Variants in CRB1 observed in about 807,000 individuals in gnomAD.
CRB1 encodes the protein crumbs cell polarity complex component 1, also known as protein crumbs homolog 1.
CRB1 carries 83 observed loss-of-function variants against 120.0 expected under a neutral mutation model. That is an observed-to-expected ratio of 0.69 (90% CI 0.58 to 0.83). The LOEUF (loss-of-function observed/expected upper bound fraction) is 0.83. Among genes scored for constraint, CRB1 ranks in the 40% least tolerant of loss-of-function variants. CRB1 has a pLI of 0.00. For synonymous variants in CRB1, 625 were observed against 612.5 expected (o/e 1.02, Z -0.30); for missense variants, 1,699 against 1,687.6 (o/e 1.01, Z -0.12).
chr1:197,365,475 C>T lies in CRB1; in HGVS notation c.1171+8462C>T, dbSNP rs1436456381. Among the ~76,000 whole-genome samples the T allele has an allele frequency of 2.0e-5, 3 of 152,028 alleles. No individual in the cohort carries two copies. In the East Asian group the frequency reaches 5.8e-4, roughly 29 times the overall value. On this transcript the variant is annotated intron_variant, in intron 5 of 11. Transcript: ENST00000367400. ...GTAGCATAATTCCTTTTGCCATGGC[C>T]CCCTTGCCTATGATGCCTCTGGGGA...
chr1:197,214,658 T>TA, the CRB1 span, among the ~76,000 whole-genome samples: 7,461 of 151,906 alleles, frequency 0.049, 250 homozygotes, highest in Non-Finnish European at 0.075. Context: ...TGAACTAAAA[T>TA]AAAAAAACAA....
chr1:197,361,703 A>G (rs1439110081), intron 5 of CRB1, among the ~76,000 whole-genome samples: 1 of 151,328 alleles, frequency 6.6e-6, no homozygotes, highest in Non-Finnish European at 1.5e-5. Flanking sequence ...AATTTTGACT[A>G]TTTATATCTT....
intron 1 of CRB1, among the ~76,000 whole-genome samples, chr1:197,311,836 A>G (rs1657547716): frequency 6.6e-6 from 1 of 152,000 alleles, no homozygotes; most frequent in Admixed American, 6.6e-5. Flanking sequence ...GAAATTCCCC[A>G]ATTACCAGTG....
chr1:197,247,577 C>T, the CRB1 span, among the ~76,000 whole-genome samples: 1 of 152,056 alleles, frequency 6.6e-6, no homozygotes. Context: ...AATCACAAGA[C>T]TTTCATTTGC....
At chr1:197,402,182 T>C (rs1246393775) in intron 5 of CRB1, among the ~76,000 whole-genome samples, 2 of 152,136 alleles carry the variant, frequency 1.3e-5, no homozygotes, top group African/African-American at 4.8e-5. Context: ...TATTTAGTTA[T>C]TTTTTTCTGC....
chr1:197,332,751 G>A (rs1163315898), intron 2 of CRB1, among the ~76,000 whole-genome samples: 1 of 152,090 alleles, frequency 6.6e-6, no homozygotes, highest in African/African-American at 2.4e-5. Flanking sequence ...CAGGGCTGGC[G>A]GCCAAATATT....
chr1:197,292,712 A>G (rs1255523806), intron 1 of CRB1, among the ~76,000 whole-genome samples: 1 of 152,126 alleles, frequency 6.6e-6, no homozygotes, highest in African/African-American at 2.4e-5. Flanking sequence ...CTTATCCACC[A>G]TGATCAAGTG....
At chr1:197,316,501 T>G (rs1464440099) in intron 1 of CRB1, among the ~76,000 whole-genome samples, 2 of 152,190 alleles carry the variant, frequency 1.3e-5, no homozygotes, top group African/African-American at 2.4e-5. Flanking sequence ...TATATGTGTC[T>G]GTTGGAATAT....
Position 197,269,263 on chromosome 1 carries a change from C to CA in CRB1, c.70+784dup. On this transcript the variant is annotated intron_variant, in intron 1 of 11. Transcript: ENST00000367400. ...CTGTTGAATCTGAATATCAATAAGG[C>CA]AAAGCGTAGAGCAGCTGCCGTTGAA... Among the ~76,000 whole-genome samples, 2 of 152,298 alleles carry CA rather than the reference C, an allele frequency of 1.3e-5. 1 individual carries two copies. Among genetic ancestry groups the CA allele is most frequent in the South Asian group, 4.1e-4 (2 of 4,828 alleles).
intron 5 of CRB1, among the ~76,000 whole-genome samples, chr1:197,407,016 C>T (rs2125444533): frequency 6.6e-6 from 1 of 152,286 alleles, no homozygotes; most frequent in Admixed American, 6.5e-5. Flanking sequence ...CCAAACACCT[C>T]CTCTCTCTTC....
At position 197,478,085 on chromosome 1, in the gene CRB1, A is replaced by G. The variant is rs955851304; in HGVS notation, c.*206A>G. ...ATTATATTATATCAGCCAATTGCAAAAAAAGTCTGTGCCAGTAATTTCAGC... is the reference window on the plus strand; with the variant it reads ...ATTATATTATATCAGCCAATTGCAAGAAAAGTCTGTGCCAGTAATTTCAGC... On this transcript the variant is annotated 3_prime_UTR_variant, in exon 12 of 12. Transcript: ENST00000367400. 9 of 597,898 alleles carry G rather than the reference A, an allele frequency of 1.5e-5. No individual in the cohort carries two copies. Among genetic ancestry groups the G allele is most frequent in the African/African-American group, 1.5e-4 (8 of 53,818 alleles). 37.0% of individuals were successfully genotyped at this position (597,898 alleles called of 1,614,324 possible). A position where few individuals can be genotyped will look rare whatever the true frequency, so the allele number is the denominator to read the frequency against.
intron 8 of CRB1, among the ~76,000 whole-genome samples, chr1:197,431,115 T>A (rs1664850097): frequency 6.6e-6 from 1 of 151,820 alleles, no homozygotes; most frequent in Admixed American, 6.6e-5. Context: ...ACTAAAATAA[T>A]GGAATGGAAC....
chr1:197,410,357 G>A (rs1248760961), intron 5 of CRB1, among the ~76,000 whole-genome samples: 3 of 152,192 alleles, frequency 2.0e-5, no homozygotes, highest in Admixed American at 1.3e-4. Flanking sequence ...TCTTGATTAT[G>A]TTCTGCATAG....
intron 5 of CRB1, among the ~76,000 whole-genome samples, chr1:197,402,554 A>G (rs1663119680): frequency 6.6e-6 from 1 of 152,184 alleles, no homozygotes; most frequent in Non-Finnish European, 1.5e-5. Flanking sequence ...GTCTTATTCA[A>G]CAAGAAAAAT....
At position 197,299,552 on chromosome 1, in the gene CRB1, A is replaced by AT. The variant is rs551704733; in HGVS notation, c.71-28869dup. Among the ~76,000 whole-genome samples the AT allele has an allele frequency of 1.9e-3, 159 of 84,204 alleles. 1 individual carries two copies. In the Middle Eastern group the frequency reaches 0.02, roughly 11 times the overall value. 55.2% of individuals were successfully genotyped at this position (84,204 alleles called of 152,430 possible). ...AATGTGTATGTGCAATCGTGTACAA[A>AT]TCAAAATATGTAAAAAAAGTTCATA... On this transcript the variant is annotated intron_variant, in intron 1 of 11. Coordinates refer to ENST00000367400, the MANE Select transcript of CRB1 (RefSeq NM_201253.3).
intron 1 of CRB1, among the ~76,000 whole-genome samples, chr1:197,283,196 G>GA (rs1266973737): frequency 2.0e-5 from 3 of 151,296 alleles, no homozygotes; most frequent in Non-Finnish European, 4.4e-5. Flanking sequence ...AATATGCTTG[G>GA]AAAAAACAAA....
At chr1:197,203,864 T>A in the CRB1 span, among the ~76,000 whole-genome samples, 2 of 152,212 alleles carry the variant, frequency 1.3e-5, no homozygotes, top group African/African-American at 4.8e-5. Flanking sequence ...AGTTCTTTAG[T>A]GGTGATTTCT....
At chr1:197,441,660 T>TC (rs1491339859) in intron 10 of CRB1, 1 of 5,010 alleles carries the variant, frequency 2.0e-4, no homozygotes, top group Non-Finnish European at 1.8e-3. Context: ...TCCCTCCTTC[T>TC]TTTTTTTTTT....
intron 11 of CRB1, among the ~76,000 whole-genome samples, chr1:197,452,972 G>A (rs1199776503): frequency 6.6e-6 from 1 of 151,808 alleles, no homozygotes; most frequent in Non-Finnish European, 1.5e-5. Flanking sequence ...GCCAATAGAT[G>A]GAAACAGGCT....
Sources: allele counts gnomAD v4.1 joint callset (sites outside exome capture counted in the v4.1 genomes callset), GRCh38; gene constraint gnomAD v4.1.1; transcripts MANE v1.5; gene names NCBI Gene and HGNC (gene_info 2026-07-23, HGNC 2026-07-21).